The following MAPKAP1 variants were observed in gnomAD, a reference collection of about 807,000 sequenced individuals.
The protein encoded by MAPKAP1 is target of rapamycin complex 2 subunit MAPKAP1.
In MAPKAP1, 20 loss-of-function variants were observed where a neutral mutation model predicts 65.7. The ratio of observed to expected loss-of-function variants is 0.30; its 90% confidence interval spans 0.21 to 0.44. The LOEUF (loss-of-function observed/expected upper bound fraction) is 0.44. MAPKAP1 is among the 20% of genes least tolerant of loss of function. The probability of loss-of-function intolerance (pLI) is 1.00; values close to 1 mark genes in which losing one functional copy is unlikely to be tolerated. For synonymous variants in MAPKAP1, 222 were observed against 244.3 expected, an observed-to-expected ratio of 0.91 and a Z score of 0.85; for missense variants, 423 against 648.0, an observed-to-expected ratio of 0.65 and a Z score of 3.77.
At chr9:125,452,350 C>T (rs1363608198) in intron 10 of MAPKAP1, among the ~76,000 whole-genome samples, 4 of 151,800 alleles carry the variant, frequency 2.6e-5, no homozygotes, top group Admixed American at 6.6e-5. Context: ...CTGCATACCT[C>T]GGCCTCTCAA....
chr9:125,500,983 T>C (rs914214792), intron 8 of MAPKAP1, among the ~76,000 whole-genome samples: 2 of 152,214 alleles, frequency 1.3e-5, no homozygotes, highest in Non-Finnish European at 2.9e-5. Context: ...TAGGAGTGTA[T>C]TGGTGTAACT....
intron 9 of MAPKAP1, among the ~76,000 whole-genome samples, chr9:125,480,974 G>GAAAAAAAAAAA (rs1564525845): frequency 1.0e-5 from 1 of 97,630 alleles, no homozygotes; most frequent in Non-Finnish European, 2.0e-5. Flanking sequence ...TCCGTTTCGG[G>GAAAAAAAAAAA]GAAAAAAAAA....
intron 6 of MAPKAP1, among the ~76,000 whole-genome samples, chr9:125,556,029 A>G: frequency 6.6e-6 from 1 of 152,362 alleles, no homozygotes; most frequent in East Asian, 1.9e-4. Context: ...GGCACAGATA[A>G]TTCAGTTCTT....
At chr9:125,690,999 CG>C (rs745682206) in intron 1 of MAPKAP1, among the ~76,000 whole-genome samples, 8 of 152,160 alleles carry the variant, frequency 5.3e-5, no homozygotes, top group Non-Finnish European at 1.0e-4. Flanking sequence ...CAGTGGCTCA[CG>C]CCTGTAATCC....
chr9:125,459,409 GGGTGGC>G (rs2132967466), intron 10 of MAPKAP1, among the ~76,000 whole-genome samples: 1 of 152,044 alleles, frequency 6.6e-6, no homozygotes, highest in African/African-American at 2.4e-5. Context: ...TTCCCAGACG[GGGTGGC>G]GGCCGGGCAG....
At chr9:125,493,206 C>T (rs1380259289) in intron 8 of MAPKAP1, among the ~76,000 whole-genome samples, 2 of 152,216 alleles carry the variant, frequency 1.3e-5, no homozygotes, top group African/African-American at 4.8e-5. Context: ...CCCTTCTCTG[C>T]TCCACTCTAT....
chr9:125,664,071 G>A (rs1834265594), intron 3 of MAPKAP1, among the ~76,000 whole-genome samples: 1 of 152,166 alleles, frequency 6.6e-6, no homozygotes, highest in Non-Finnish European at 1.5e-5. Context: ...TTTCGGCCAG[G>A]TGCGGTGGCT....
chr9:125,650,331 T>G (rs1182946287), intron 4 of MAPKAP1: 6 of 152,244 alleles, frequency 3.9e-5, no homozygotes, highest in South Asian at 2.1e-4. Context: ...CCCCGTGCCA[T>G]GAGGTTAAAG....
chr9:125,642,158 T>C (rs1313411905), intron 4 of MAPKAP1, among the ~76,000 whole-genome samples: 1 of 146,916 alleles, frequency 6.8e-6, no homozygotes, highest in Non-Finnish European at 1.5e-5. Flanking sequence ...TAAGCCAAGA[T>C]CACATCCCTG....
chr9:125,551,818 T>C lies in MAPKAP1; in HGVS notation c.848+7815A>G, dbSNP rs549522750. Among the ~76,000 whole-genome samples, 4 of 152,314 alleles carry C rather than the reference T, an allele frequency of 2.6e-5. No individual in the cohort carries two copies. In the East Asian group the frequency reaches 7.7e-4, roughly 29 times the overall value. ...AAATTCTGACTAAATTAGGTCTGTG[T>C]TGGGAATGGGAGAAGGAGACGAACA... On this transcript the variant is annotated intron_variant, in intron 6 of 11. Coordinates refer to ENST00000265960, the MANE Select transcript of MAPKAP1 (RefSeq NM_001006617.3).
intron 9 of MAPKAP1, among the ~76,000 whole-genome samples, chr9:125,475,122 T>G (rs1043854835): frequency 1.3e-5 from 2 of 152,122 alleles, no homozygotes; most frequent in African/African-American, 4.8e-5. Context: ...ATTCTCCATA[T>G]GAAAAAATTG....
At chr9:125,607,522 A>G (rs1832473109) in intron 4 of MAPKAP1, among the ~76,000 whole-genome samples, 1 of 152,250 alleles carries the variant, frequency 6.6e-6, no homozygotes, top group African/African-American at 2.4e-5. Context: ...ATGAAGCAAC[A>G]TGCCCAAAGT....
intron 1 of MAPKAP1, among the ~76,000 whole-genome samples, chr9:125,680,466 T>G (rs1260512551): frequency 6.6e-6 from 1 of 152,150 alleles, no homozygotes; most frequent in Non-Finnish European, 1.5e-5. Flanking sequence ...AAATTAAATC[T>G]TCATTTATTT....
At chr9:125,440,518 C>T (rs902212231) in intron 11 of MAPKAP1, among the ~76,000 whole-genome samples, 3 of 152,224 alleles carry the variant, frequency 2.0e-5, no homozygotes, top group East Asian at 1.9e-4. Flanking sequence ...GATTCTACTC[C>T]GAGGGCCATG....
chr9:125,599,040 A>C lies in MAPKAP1; in HGVS notation c.499-13313T>G, dbSNP rs187319233. ...AGAATGAAACTCCGTCTCAAAAAAA[A>C]AAAAAAAAGACTTCATGTAAAGCAC... is the stretch of plus-strand genomic sequence containing the variant. On this transcript the variant is annotated intron_variant, in intron 4 of 11. Coordinates refer to ENST00000265960, the MANE Select transcript of MAPKAP1 (RefSeq NM_001006617.3). Among the ~76,000 whole-genome samples the C allele has an allele frequency of 9.7e-3, 1,471 of 152,156 alleles. 22 individuals carry two copies. Among genetic ancestry groups the C allele is most frequent in the South Asian group, 0.023 (109 of 4,816 alleles).
intron 5 of MAPKAP1, among the ~76,000 whole-genome samples, chr9:125,569,976 G>A (rs1163388397): frequency 6.6e-6 from 1 of 152,176 alleles, no homozygotes; most frequent in Non-Finnish European, 1.5e-5. Flanking sequence ...AAAATGTTTA[G>A]TCTAAATTAT....
chr9:125,631,703 C>T (rs1833287470), intron 4 of MAPKAP1, among the ~76,000 whole-genome samples: 1 of 152,160 alleles, frequency 6.6e-6, no homozygotes, highest in Admixed American at 6.5e-5. Flanking sequence ...CTCTCACCTC[C>T]TCTGCTCTCA....
chr9:125,507,198 T>C (rs149687654), intron 7 of MAPKAP1, among the ~76,000 whole-genome samples: 1 of 152,366 alleles, frequency 6.6e-6, no homozygotes, highest in East Asian at 1.9e-4. Flanking sequence ...CAGCATTTTA[T>C]ACATTTATTC....
chr9:125,557,143 C>T (rs1317831321), intron 6 of MAPKAP1, among the ~76,000 whole-genome samples: 3 of 152,140 alleles, frequency 2.0e-5, no homozygotes, highest in African/African-American at 7.2e-5. Context: ...CTGCCTTCCC[C>T]CTCCTTCCTA....
Sources: gnomAD v4.1 joint callset for allele counts (sites outside exome capture counted in the v4.1 genomes callset) on GRCh38, gnomAD v4.1.1 for gene constraint, MANE v1.5 for transcripts, NCBI Gene and HGNC (gene_info 2026-07-23, HGNC 2026-07-21) for gene names.